Variants in DYNC1LI2 observed in about 807,000 individuals in gnomAD.
The protein encoded by DYNC1LI2 is cytoplasmic dynein 1 light intermediate chain 2.
Under a neutral mutation model 57.8 loss-of-function variants are expected in DYNC1LI2, and 19 were observed. That is an observed-to-expected ratio of 0.33 (90% confidence interval 0.23 to 0.48). The LOEUF (loss-of-function observed/expected upper bound fraction) is 0.48. Ranked by LOEUF, DYNC1LI2 falls within the 20% of genes least tolerant of loss-of-function variation. DYNC1LI2 has a pLI of 0.99. For missense variants in DYNC1LI2, 470 were observed against 604.2 expected (o/e 0.78, Z 2.33); for synonymous variants, 256 against 233.4 (o/e 1.10, Z -0.88).
At chr16:66,744,863 T>C (rs1279420552) in intron 3 of DYNC1LI2, among the ~76,000 whole-genome samples, 1 of 151,428 alleles carries the variant, frequency 6.6e-6, no homozygotes, top group African/African-American at 2.4e-5. Flanking sequence ...CCCGGCCAAA[T>C]TTATAATGTA....
At chr16:66,726,595 A>C (rs1372765300) in intron 11 of DYNC1LI2, among the ~76,000 whole-genome samples, 2 of 152,224 alleles carry the variant, frequency 1.3e-5, no homozygotes, top group Non-Finnish European at 2.9e-5. Flanking sequence ...GGAGCTTGAG[A>C]TCAGCCTCGG....
rs761692680 is a variant in DYNC1LI2, at chr16:66,751,595, G to C, written c.-4C>G. 1.3e-6 allele frequency: 2 copies of C among 1,571,056 alleles called. No homozygotes were observed. The highest frequency in any genetic ancestry group is 1.8e-5 in the Admixed American group (1 of 55,434). On this transcript the variant is annotated 5_prime_UTR_variant, in exon 1 of 13. Transcript: ENST00000258198. The surrounding 1 kb of genome is among the most constrained non-coding windows in gnomAD (Gnocchi z 5.2). ...TCTCCACCCCCACCGGCGCCATCTT[G>C]CCAACTGCAGCCACAAAGAGGGCCC...
intron 3 of DYNC1LI2, among the ~76,000 whole-genome samples, chr16:66,747,355 C>T (rs181394700): frequency 2.6e-5 from 4 of 152,102 alleles, no homozygotes; most frequent in Admixed American, 6.6e-5. Context: ...GGATTACAGG[C>T]GTGAGCCACC....
At position 66,743,026 on chromosome 16, in the gene DYNC1LI2, G is replaced by T. The variant is rs530845971; in HGVS notation, c.299-358C>A. On this transcript the variant is annotated intron_variant, in intron 3 of 12. Coordinates refer to ENST00000258198, the MANE Select transcript of DYNC1LI2 (RefSeq NM_006141.3). ...GTACAAAACAAATTAGCCGGGCATC[G>T]TGACACTCGCCTGTAATCCCGGCTA... 1.2e-4 allele frequency among the ~76,000 whole-genome samples: 18 copies of T among 152,194 alleles called. No individual in the cohort carries two copies. In the East Asian group the frequency reaches 3.5e-3, roughly 29 times the overall value.
chr16:66,741,897 CAAAAAA>C (rs66527903), intron 4 of DYNC1LI2, among the ~76,000 whole-genome samples: 13 of 106,810 alleles, frequency 1.2e-4, no homozygotes, highest in Admixed American at 7.0e-4. Flanking sequence ...ATGTTAATTA[CAAAAAA>C]AAAAAAAAAA....
rs777840298 is a variant in DYNC1LI2 at position 66,732,346 on chromosome 16, C to T, written c.922G>A (p.Val308Ile). The part of the protein sequence containing the change: ...TPALVVEKDA[V>I]FIPAGWDNEK... Reference sequence around the variant, plus strand: ...CAGCTCAAAATAACTCACATAAAAACGGCATCCTTTTCCACAACTAAGGCA... The same window carrying T: ...CAGCTCAAAATAACTCACATAAAAATGGCATCCTTTTCCACAACTAAGGCA... The change falls in exon 7 of 13, where the codon GTT becomes ATT. Residue 308 changes from valine to isoleucine, a missense_variant. Physicochemically the swap from Val to Ile is conservative, Grantham distance 29. Transcript: ENST00000258198. 17 of 1,612,246 alleles carry T rather than the reference C, an allele frequency of 1.1e-5. No individual in the cohort carries two copies. The highest frequency in any genetic ancestry group is 1.4e-5 in the Non-Finnish European group (16 of 1,179,524).
At chr16:66,724,434 TAGG>T (rs2017501513) in intron 12 of DYNC1LI2, among the ~76,000 whole-genome samples, 1 of 152,134 alleles carries the variant, frequency 6.6e-6, no homozygotes, top group Non-Finnish European at 1.5e-5. Context: ...TCTTAGAACA[TAGG>T]AGCCACTGGA....
At chr16:66,743,414 A>G (rs1340006887) in intron 3 of DYNC1LI2, among the ~76,000 whole-genome samples, 1 of 151,850 alleles carries the variant, frequency 6.6e-6, no homozygotes, top group Non-Finnish European at 1.5e-5. Context: ...TACAAAATTT[A>G]GCTGGGCATG....
chr16:66,741,573 A>T (rs764602918), intron 4 of DYNC1LI2, among the ~76,000 whole-genome samples: 17 of 152,196 alleles, frequency 1.1e-4, no homozygotes, highest in Non-Finnish European at 2.1e-4. Flanking sequence ...AAGTGTGAAG[A>T]TCCCGTGTGC....
At chr16:66,742,059 A>C (rs572946127) in intron 4 of DYNC1LI2, among the ~76,000 whole-genome samples, 2 of 152,330 alleles carry the variant, frequency 1.3e-5, no homozygotes, top group African/African-American at 4.8e-5. Context: ...ATTCCAGGGC[A>C]GTAAACTCAA....
chr16:66,725,681 C>A (rs1350375348), intron 12 of DYNC1LI2, 147 bp downstream of exon 12: 7 of 743,174 alleles, frequency 9.4e-6, no homozygotes, highest in Non-Finnish European at 1.5e-5. Context: ...ACTGAAAGCA[C>A]GGCACACTGC....
chr16:66,743,894 T>G (rs1335175588), intron 3 of DYNC1LI2, among the ~76,000 whole-genome samples: 1 of 152,260 alleles, frequency 6.6e-6, no homozygotes, highest in Non-Finnish European at 1.5e-5. Flanking sequence ...AATTTTTTGT[T>G]ATGATAATAA....
At chr16:66,739,650 CT>C (rs1361689683) in intron 4 of DYNC1LI2, among the ~76,000 whole-genome samples, 2 of 152,132 alleles carry the variant, frequency 1.3e-5, no homozygotes, top group African/African-American at 4.8e-5. Context: ...TGGTGTCAAA[CT>C]TTTGGTCTCA....
At chr16:66,730,292 T>G in intron 7 of DYNC1LI2, 69 bp from the exon 8 acceptor site, 1 of 1,342,664 alleles carries the variant, frequency 7.4e-7, no homozygotes, top group Non-Finnish European at 1.0e-6. Context: ...CAGATCACAT[T>G]CAGGACTCCT....
chr16:66,751,353 C>T lies in DYNC1LI2; in HGVS notation c.108-7G>A, dbSNP rs765184011. 19 of 1,611,072 alleles carry T rather than the reference C, an allele frequency of 1.2e-5. No individual in the cohort carries two copies. The highest frequency in any genetic ancestry group is 1.1e-5 in the Non-Finnish European group (13 of 1,178,744). On this transcript the variant is annotated splice_region_variant and splice_polypyrimidine_tract_variant and intron_variant, in intron 1 of 12. Coordinates refer to ENST00000258198, the MANE Select transcript of DYNC1LI2 (RefSeq NM_006141.3). The surrounding 1 kb of genome is among the most constrained non-coding windows in gnomAD (Gnocchi z 5.2). ...TTCGCTCAGAATGGAGGACCTGTGG[C>T]GACAATGGCAAGAGTGGTCAGCCCC...
chr16:66,727,552 G>C (rs189299766), intron 11 of DYNC1LI2, 136 bp downstream of exon 11: 1 of 753,190 alleles, frequency 1.3e-6, no homozygotes, highest in Non-Finnish European at 2.1e-6. Context: ...GAAATGGAAA[G>C]TAGCCCTTAT....
At chr16:66,750,135 G>GT (rs2018015696) in intron 2 of DYNC1LI2, among the ~76,000 whole-genome samples, 1 of 152,172 alleles carries the variant, frequency 6.6e-6, no homozygotes. Flanking sequence ...CCTGACTTCA[G>GT]TACCTGCTCA....
chr16:66,729,227 G>A, intron 8 of DYNC1LI2, 128 bp from the exon 9 acceptor site: 1 of 1,015,096 alleles, frequency 9.9e-7, no homozygotes, highest in Non-Finnish European at 1.5e-6. Flanking sequence ...TACTGAGACT[G>A]CAGAGTAATA....
At chr16:66,748,568 CAT>C (rs1475483995) in intron 3 of DYNC1LI2, among the ~76,000 whole-genome samples, 2 of 76,900 alleles carry the variant, frequency 2.6e-5, no homozygotes, top group East Asian at 1.2e-3. Context: ...GCATTTCTTT[CAT>C]TCTTTCTTTT....
Sources: allele counts gnomAD v4.1 joint callset (sites outside exome capture counted in the v4.1 genomes callset), GRCh38; gene constraint gnomAD v4.1.1; non-coding constraint Gnocchi (gnomAD v3.1); transcripts MANE v1.5; gene names NCBI Gene and HGNC (gene_info 2026-07-23, HGNC 2026-07-21).